Variants in CALD1 observed in about 807,000 individuals in gnomAD.
CALD1 encodes caldesmon.
In CALD1, 33 loss-of-function variants were observed where a neutral mutation model predicts 99.9. The observed-to-expected ratio is 0.33, with a 90% CI of 0.25 to 0.44. The LOEUF (loss-of-function observed/expected upper bound fraction) is 0.44, where lower values mean the gene tolerates loss of function less well. Among genes scored for constraint, CALD1 ranks in the 20% least tolerant of loss-of-function variants. The pLI, the probability that CALD1 is intolerant of heterozygous loss-of-function variation, is 1.00. For synonymous variants in CALD1, 310 were observed against 325.0 expected (o/e 0.95, Z 0.50); for missense variants, 861 against 962.1 (o/e 0.89, Z 1.39).
intron 1 of CALD1, among the ~76,000 whole-genome samples, chr7:134,748,708 T>TCCCCCCCACC (rs35401566): frequency 7.6e-6 from 1 of 132,274 alleles, no homozygotes; most frequent in Non-Finnish European, 1.6e-5. Flanking sequence ...TGAAACTCCA[T>TCCCCCCCACC]CCCCCCGCCC....
At chr7:134,769,163 C>T (rs1254622569) in intron 1 of CALD1, among the ~76,000 whole-genome samples, 2 of 151,908 alleles carry the variant, frequency 1.3e-5, no homozygotes, top group Non-Finnish European at 2.9e-5. Flanking sequence ...CTGTCAATTG[C>T]TATTGCAGCA....
intron 1 of CALD1, among the ~76,000 whole-genome samples, chr7:134,749,655 C>T (rs1796668338): frequency 6.6e-6 from 1 of 152,098 alleles, no homozygotes; most frequent in South Asian, 2.1e-4. Context: ...AATGATCCCG[C>T]CTCAGGGGAT....
At chr7:134,791,711 TCTC>T (rs1356201537) in intron 1 of CALD1, among the ~76,000 whole-genome samples, 1 of 152,172 alleles carries the variant, frequency 6.6e-6, no homozygotes, top group Non-Finnish European at 1.5e-5. Flanking sequence ...CTGGTCATCT[TCTC>T]CTAACTATCA....
At chr7:134,894,260 G>T (rs965257068) in intron 3 of CALD1, among the ~76,000 whole-genome samples, 7 of 152,286 alleles carry the variant, frequency 4.6e-5, no homozygotes, top group Non-Finnish European at 5.9e-5. Flanking sequence ...GTCTAAATGC[G>T]TTCGGGGTAC....
At chr7:134,922,913 C>T (rs557440491) in intron 3 of CALD1, among the ~76,000 whole-genome samples, 2 of 152,304 alleles carry the variant, frequency 1.3e-5, no homozygotes, top group Admixed American at 6.5e-5. Context: ...AGAGCTTTCC[C>T]ATTGCATATA....
intron 1 of CALD1, among the ~76,000 whole-genome samples, chr7:134,753,781 T>C (rs1456169211): frequency 6.6e-6 from 1 of 152,224 alleles, no homozygotes; most frequent in Non-Finnish European, 1.5e-5. Flanking sequence ...CAAATTGTCT[T>C]GTAGCTATTG....
At chr7:134,847,457 C>G (rs1365409498) in intron 2 of CALD1, among the ~76,000 whole-genome samples, 1 of 152,146 alleles carries the variant, frequency 6.6e-6, no homozygotes, top group Non-Finnish European at 1.5e-5. Flanking sequence ...GGAGTCTCCT[C>G]TCAAGGAGAC....
At chr7:134,738,299 T>A in the CALD1 span, among the ~76,000 whole-genome samples, 2 of 152,234 alleles carry the variant, frequency 1.3e-5, no homozygotes, top group Non-Finnish European at 2.9e-5. Flanking sequence ...CTTTCTGTGA[T>A]CTTAGTTTTG....
chr7:134,888,102 G>A (rs1288481279), intron 3 of CALD1, among the ~76,000 whole-genome samples: 1 of 152,184 alleles, frequency 6.6e-6, no homozygotes, highest in Non-Finnish European at 1.5e-5. Context: ...ACCACCCTGT[G>A]GTGGGAGCTG....
chr7:134,762,538 C>T (rs979385140), intron 1 of CALD1, among the ~76,000 whole-genome samples: 7 of 152,134 alleles, frequency 4.6e-5, no homozygotes, highest in Admixed American at 3.9e-4. Context: ...AATTGGCTCA[C>T]GGTTTCACTG....
chr7:134,831,429 C>T (rs1272224404), intron 1 of CALD1, among the ~76,000 whole-genome samples: 3 of 152,020 alleles, frequency 2.0e-5, no homozygotes, highest in Admixed American at 6.6e-5. Context: ...AAGAAATTCT[C>T]TGCCTCAGCC....
upstream of CALD1, among the ~76,000 whole-genome samples, chr7:134,777,507 C>A (rs1056728702): frequency 2.6e-5 from 4 of 152,190 alleles, no homozygotes; most frequent in African/African-American, 9.6e-5. Context: ...TGTAGCACAA[C>A]TTTTCTTTCC....
rs546710821 is a variant in CALD1, at chr7:134,893,583, A to G, written c.71+25779A>G. Among the ~76,000 whole-genome samples the G allele has an allele frequency of 1.5e-4, 23 of 152,162 alleles. 1 individual carries two copies. The South Asian group carries it at 3.9e-3, about 26-fold the overall frequency. The stretch of plus-strand genomic sequence containing the variant: ...ACAAGCCACCACTGTTTCTTGACTC[A>G]TTCTATTCCCTACACAGGGAATACC... On this transcript the variant is annotated intron_variant, in intron 3 of 14. Coordinates refer to ENST00000361675, the MANE Select transcript of CALD1 (RefSeq NM_033138.4).
chr7:134,800,596 TTC>T (rs1554430435), intron 1 of CALD1, among the ~76,000 whole-genome samples: 1 of 152,034 alleles, frequency 6.6e-6, no homozygotes, highest in Non-Finnish European at 1.5e-5. Context: ...TTTTTAATAT[TTC>T]TGTCTAATTA....
chr7:134,963,367 AGTAAAGTT>A (rs1273071900), intron 13 of CALD1, among the ~76,000 whole-genome samples: 1 of 152,218 alleles, frequency 6.6e-6, no homozygotes, highest in Non-Finnish European at 1.5e-5. Context: ...CCAGAAACTC[AGTAAAGTT>A]TAGGCAAATC....
At chr7:134,875,770 T>A (rs1801319445) in intron 3 of CALD1, among the ~76,000 whole-genome samples, 1 of 152,250 alleles carries the variant, frequency 6.6e-6, no homozygotes, top group Admixed American at 6.5e-5. Flanking sequence ...GTTGAACTAT[T>A]TTTTATGCTT....
chr7:134,941,121 A>C lies in CALD1; in HGVS notation c.1416A>C (p.Lys472Asn). The C allele has an allele frequency of 1.2e-6, 2 of 1,611,326 alleles. No homozygotes were observed. The highest frequency in any genetic ancestry group is 1.7e-6 in the Non-Finnish European group (2 of 1,179,046). Residue 472 changes from lysine to asparagine, a missense_variant, in exon 7 of 15, where the codon AAA becomes AAC. This residue lies in a region of CALD1 where 293 missense variants were observed against 262.7 expected (regional missense o/e 1.12). Transcript: ENST00000361675. ...EIKDEKIKKD[K>N]EPKEEVKSFM... is the part of the protein sequence containing the mutation. The stretch of plus-strand genomic sequence containing the variant: ...AAGATGAAAAGATTAAAAAGGACAA[A>C]GAACCCAAAGAAGAAGTTAAGAGCT...
chr7:134,913,899 T>C (rs2347902), intron 3 of CALD1, among the ~76,000 whole-genome samples: 58,595 of 152,022 alleles, frequency 0.39, 13,014 homozygotes, highest in East Asian at 0.86. Flanking sequence ...CTGAAGCTCT[T>C]TGTTAGTCTC....
At chr7:134,958,397 G>A in intron 11 of CALD1, 107 bp downstream of exon 11, 1 of 835,662 alleles carries the variant, frequency 1.2e-6, no homozygotes, top group Admixed American at 2.5e-5. Flanking sequence ...ATAGCCCCAG[G>A]AGTGTTAGAA....
Sources: gnomAD v4.1 joint callset for allele counts (sites outside exome capture counted in the v4.1 genomes callset) on GRCh38, gnomAD v4.1.1 for gene constraint, gnomAD v4.1.1 regional missense constraint, MANE v1.5 for transcripts, NCBI Gene and HGNC (gene_info 2026-07-23, HGNC 2026-07-21) for gene names.